Variants in ALK observed in about 807,000 individuals in gnomAD.
ALK encodes ALK tyrosine kinase receptor.
A neutral mutation model predicts 163.1 loss-of-function variants in ALK; 74 were observed. The ratio of observed to expected loss-of-function variants is 0.45; its 90% confidence interval spans 0.38 to 0.55. ALK has a LOEUF of 0.55. Ranked by LOEUF, ALK falls within the 20% of genes least tolerant of loss-of-function variation. The probability of loss-of-function intolerance (pLI) is 0.00; values close to 1 mark genes in which losing one functional copy is unlikely to be tolerated. For synonymous variants in ALK, 960 were observed against 843.2 expected (o/e 1.14, Z -2.40); for missense variants, 2,063 against 2,105.3 (o/e 0.98, Z 0.39).
chr2:29,247,439 T>G (rs1382318494), intron 12 of ALK, among the ~76,000 whole-genome samples: 2 of 152,194 alleles, frequency 1.3e-5, no homozygotes, highest in African/African-American at 4.8e-5. Flanking sequence ...AAGGGGTAAG[T>G]CCAGGGCAGG....
chr2:29,655,763 G>A (rs922580248), intron 3 of ALK, among the ~76,000 whole-genome samples: 2 of 152,196 alleles, frequency 1.3e-5, no homozygotes, highest in African/African-American at 4.8e-5. Flanking sequence ...ACTCTTCATA[G>A]AAAGAAAATG....
chr2:29,765,259 A>G (rs1680826179), intron 1 of ALK, among the ~76,000 whole-genome samples: 1 of 152,194 alleles, frequency 6.6e-6, no homozygotes, highest in African/African-American at 2.4e-5. Flanking sequence ...TTCATTCTCC[A>G]TGACTTTCTC....
At chr2:29,827,231 A>G (rs1665228176) in intron 1 of ALK, among the ~76,000 whole-genome samples, 1 of 152,202 alleles carries the variant, frequency 6.6e-6, no homozygotes, top group South Asian at 2.1e-4. Flanking sequence ...CAGAGCTGGA[A>G]GTGAAGGCCT....
At chr2:29,215,986 TG>T (rs1361040736) in intron 23 of ALK, among the ~76,000 whole-genome samples, 10 of 152,156 alleles carry the variant, frequency 6.6e-5, no homozygotes, top group Admixed American at 2.0e-4. Context: ...GGTTTCCACA[TG>T]GGAGACCAGG....
chr2:29,245,879 G>C (rs950781101), intron 12 of ALK, among the ~76,000 whole-genome samples: 1 of 152,188 alleles, frequency 6.6e-6, no homozygotes, highest in African/African-American at 2.4e-5. Flanking sequence ...GCACACAGTA[G>C]GGCTTCATGG....
chr2:29,917,836 A>C (rs1667874682), intron 1 of ALK, among the ~76,000 whole-genome samples: 1 of 152,214 alleles, frequency 6.6e-6, no homozygotes, highest in Admixed American at 6.5e-5. Context: ...ATCCTGCTGA[A>C]AAATGCTTGG....
chr2:29,831,235 GGAA>G (rs369174166), intron 1 of ALK, among the ~76,000 whole-genome samples: 856 of 33,908 alleles, frequency 0.025, 206 homozygotes, highest in Admixed American at 0.034. Flanking sequence ...AAGAAGAAGA[GGAA>G]GAAGAAGAGG....
At chr2:29,855,352 G>A (rs1572440370) in intron 1 of ALK, among the ~76,000 whole-genome samples, 1 of 152,012 alleles carries the variant, frequency 6.6e-6, no homozygotes, top group South Asian at 2.1e-4. Context: ...CACTGTACAG[G>A]GCTGCCACCC....
At chr2:29,374,003 A>G (rs951898247) in intron 5 of ALK, among the ~76,000 whole-genome samples, 4 of 152,234 alleles carry the variant, frequency 2.6e-5, no homozygotes, top group Non-Finnish European at 5.9e-5. Context: ...GGGCTGTCAG[A>G]ATCTCTGCTG....
chr2:29,576,313 T>C (rs11127228), intron 3 of ALK, among the ~76,000 whole-genome samples: 76,606 of 152,106 alleles, frequency 0.5, 19,730 homozygotes, highest in African/African-American at 0.56. Flanking sequence ...AGCAGAACCA[T>C]GAGCCTCTCC....
At chr2:29,351,437 C>A (rs527316833) in intron 5 of ALK, among the ~76,000 whole-genome samples, 20 of 152,098 alleles carry the variant, frequency 1.3e-4, no homozygotes, top group African/African-American at 4.6e-4. Context: ...TGCATGCTCA[C>A]TCCTCCTCCC....
intron 3 of ALK, among the ~76,000 whole-genome samples, chr2:29,537,612 C>T (rs1027590694): frequency 6.6e-6 from 1 of 152,206 alleles, no homozygotes; most frequent in African/African-American, 2.4e-5. Context: ...GGGGTTGGAG[C>T]CTCTACACAG....
intron 1 of ALK, among the ~76,000 whole-genome samples, chr2:29,873,184 T>C (rs1385574482): frequency 6.6e-6 from 1 of 152,168 alleles, no homozygotes; most frequent in Non-Finnish European, 1.5e-5. Flanking sequence ...TGGGCTCCCA[T>C]CTCAAACAGG....
At chr2:29,537,402 C>T (rs1033166417) in intron 3 of ALK, among the ~76,000 whole-genome samples, 7 of 152,186 alleles carry the variant, frequency 4.6e-5, no homozygotes, top group African/African-American at 1.7e-4. Flanking sequence ...CAAAAGGGCC[C>T]AGGTACGGCT....
intron 3 of ALK, among the ~76,000 whole-genome samples, chr2:29,631,022 A>C (rs1676355327): frequency 6.6e-6 from 1 of 152,272 alleles, no homozygotes; most frequent in Non-Finnish European, 1.5e-5. Context: ...GCAAATTCAC[A>C]GATCTGTAGA....
chr2:29,898,479 A>G (rs1037383020), intron 1 of ALK, among the ~76,000 whole-genome samples: 1 of 152,240 alleles, frequency 6.6e-6, no homozygotes, highest in Non-Finnish European at 1.5e-5. Context: ...AAAAACAATC[A>G]TGGCTGTAAT....
In ALK at chr2:29,226,988, T is replaced by C; in HGVS notation, c.3001A>G (p.Ser1001Gly). 6.2e-7 allele frequency: 1 copy of C among 1,614,216 alleles called. No individual in the cohort carries two copies. Residue 1001 changes from serine to glycine, a missense_variant, in exon 18 of 29, where the codon AGC becomes GGC. Coordinates refer to ENST00000389048, the MANE Select transcript of ALK (RefSeq NM_004304.5). ...TCACAGAAGCAGATGACCTTGTGGC[T>C]TTCAGGGTCCATGTGACATTCGTCT... is the stretch of plus-strand genomic sequence containing the variant. ...EVDECHMDPE[S>G]HKVICFCDHG...
intron 3 of ALK, among the ~76,000 whole-genome samples, chr2:29,692,448 G>A (rs1251576144): frequency 6.6e-6 from 1 of 152,172 alleles, no homozygotes; most frequent in Non-Finnish European, 1.5e-5. Flanking sequence ...TTCCACGGAT[G>A]GTTTTGGGAT....
intron 1 of ALK, among the ~76,000 whole-genome samples, chr2:29,889,586 C>T (rs765062421): frequency 6.6e-6 from 1 of 151,882 alleles, no homozygotes; most frequent in Admixed American, 6.6e-5. Flanking sequence ...GAGAAAGTGA[C>T]AGCAGAGAGA....
Sources: gnomAD v4.1 joint callset for allele counts (sites outside exome capture counted in the v4.1 genomes callset) on GRCh38, gnomAD v4.1.1 for gene constraint, MANE v1.5 for transcripts, NCBI Gene and HGNC (gene_info 2026-07-23, HGNC 2026-07-21) for gene names.